Variants in RHOBTB2 observed in about 807,000 individuals in gnomAD.
RHOBTB2 encodes the protein rho-related BTB domain-containing protein 2.
In RHOBTB2, 39 loss-of-function variants were observed where a neutral mutation model predicts 66.5. The ratio of observed to expected loss-of-function variants is 0.59; its 90% CI spans 0.45 to 0.77. RHOBTB2 has a LOEUF of 0.77. RHOBTB2 is among the 30% of genes least tolerant of loss of function. The pLI is 0.00. For missense variants in RHOBTB2, 755 were observed against 999.1 expected (o/e 0.76, Z 3.29); for synonymous variants, 390 against 395.0 (o/e 0.99, Z 0.15).
upstream of RHOBTB2, among the ~76,000 whole-genome samples, chr8:22,996,097 C>T (rs1469014990): frequency 6.6e-6 from 1 of 152,192 alleles, no homozygotes; most frequent in African/African-American, 2.4e-5. Context: ...CCCAGAAAAG[C>T]CTCCTGTTCA....
At chr8:23,002,749 G>C (rs1810821905) in intron 1 of RHOBTB2, among the ~76,000 whole-genome samples, 1 of 152,104 alleles carries the variant, frequency 6.6e-6, no homozygotes. Flanking sequence ...AGAGAGAAGG[G>C]GTGGTACAGT....
the RHOBTB2 span, among the ~76,000 whole-genome samples, chr8:22,971,606 A>C: frequency 6.6e-6 from 1 of 152,100 alleles, no homozygotes; most frequent in East Asian, 1.9e-4. Flanking sequence ...TTCACTGGCA[A>C]CTCAATCTGA....
rs914802229 is a variant in RHOBTB2 at position 23,017,140 on chromosome 8, G to C, written c.1967-112G>C. 43 of 1,380,464 alleles carry C rather than the reference G, an allele frequency of 3.1e-5. No homozygotes were observed. Among genetic ancestry groups the C allele is most frequent in the Non-Finnish European group, 4.1e-5 (41 of 992,346 alleles). 85.5% of individuals were successfully genotyped at this position (1,380,464 alleles called of 1,614,324 possible). ...TGCCGTGGGTCATGGGGATGTGCTG[G>C]GGGCTGGGCTGGAGGCCTGCTGCAG... is the stretch of plus-strand genomic sequence containing the variant. On this transcript the variant is annotated intron_variant, in intron 9 of 9. Transcript: ENST00000251822. This position sits in a 1 kb window ranked among gnomAD's most constrained non-coding sequence, Gnocchi z 5.3.
chr8:23,008,953 A>G (rs1585193269), intron 6 of RHOBTB2, among the ~76,000 whole-genome samples: 2 of 152,108 alleles, frequency 1.3e-5, no homozygotes, highest in South Asian at 2.1e-4. Context: ...CTCCTTCACT[A>G]TCCCTAGGAC....
rs61759909 is a variant in RHOBTB2 at position 23,006,962 on chromosome 8, G to A, written c.717G>A (p.Pro239=). ...LQAPFLPPKP[P]PPIIVVPDPP... ...CACCCTTCCTACCCCCCAAGCCACC[G>A]CCCCCGATCATCGTGGTGCCCGACC... Residue 239 remains proline, a synonymous_variant, in exon 5 of 10, where the codon CCG becomes CCA. Coordinates refer to ENST00000251822, the MANE Select transcript of RHOBTB2 (RefSeq NM_015178.3). This position sits in a 1 kb window ranked among gnomAD's most constrained non-coding sequence, Gnocchi z 6.1. The A allele has an allele frequency of 1.6e-3, 2,629 of 1,611,000 alleles. 32 individuals carry two copies. In the African/African-American group the frequency reaches 0.025, roughly 15 times the overall value.
intron 1 of RHOBTB2, among the ~76,000 whole-genome samples, chr8:23,003,593 G>A (rs76176194): frequency 0.011 from 1,724 of 152,346 alleles, 30 homozygotes; most frequent in African/African-American, 0.04. Context: ...AGGGTGCTGG[G>A]AGGACAGCCC....
Position 23,007,629 on chromosome 8 carries a change from A to T in RHOBTB2, c.1384A>T (p.Met462Leu). 6.2e-7 allele frequency: 1 copy of T among 1,614,206 alleles called. No homozygotes were observed. The highest frequency in any genetic ancestry group is 8.5e-7 in the Non-Finnish European group (1 of 1,180,034). The change falls in exon 5 of 10, where the codon ATG becomes TTG. Residue 462 changes from methionine (M) to leucine (L), a missense_variant. Met to Leu is a conservative substitution (Grantham distance 15, BLOSUM62 2). Around this residue, in one of 7 missense-constraint regions of RHOBTB2, gnomAD observed 353 missense variants for 458.2 expected, o/e 0.77. Transcript: ENST00000251822. ...GCTGCTCGAGGTCTTTGATCTGCGC[A>T]TGATGGTGGCCAACATTCTCAACAA... ...AELLEVFDLR[M>L]MVANILNNEA...
At chr8:22,964,732 T>A in the RHOBTB2 span, among the ~76,000 whole-genome samples, 1 of 152,126 alleles carries the variant, frequency 6.6e-6, no homozygotes, top group Non-Finnish European at 1.5e-5. Flanking sequence ...TTAAGAATTA[T>A]ACATGTATTT....
chr8:23,017,129 G>T lies in RHOBTB2; in HGVS notation c.1967-123G>T. The stretch of plus-strand genomic sequence containing the variant: ...GGAGGCTCATGTGCCGTGGGTCATG[G>T]GGATGTGCTGGGGGCTGGGCTGGAG... On this transcript the variant is annotated intron_variant, in intron 9 of 9. Coordinates refer to ENST00000251822, the MANE Select transcript of RHOBTB2 (RefSeq NM_015178.3). The surrounding 1 kb of genome is among the most constrained non-coding windows in gnomAD (Gnocchi z 5.3). 7.9e-7 allele frequency: 1 copy of T among 1,270,444 alleles called. No homozygotes were observed. The allele number at this position is 1,270,444 out of a possible 1,614,324, so 78.7% of individuals were successfully genotyped here. A position where few individuals can be genotyped will look rare whatever the true frequency, so the allele number is the denominator to read the frequency against.
chr8:22,985,614 T>C (rs991406795), upstream of RHOBTB2, among the ~76,000 whole-genome samples: 5 of 152,224 alleles, frequency 3.3e-5, no homozygotes, highest in Non-Finnish European at 7.3e-5. Context: ...GGCCAGTTTA[T>C]GCAGGCGCCC....
At chr8:23,013,106 T>A (rs953836060) in intron 7 of RHOBTB2, among the ~76,000 whole-genome samples, 3 of 151,910 alleles carry the variant, frequency 2.0e-5, no homozygotes, top group African/African-American at 7.3e-5. Context: ...GCCTAATTTT[T>A]AAATTTTTTG....
chr8:22,961,930 A>T, the RHOBTB2 span, among the ~76,000 whole-genome samples: 1 of 152,190 alleles, frequency 6.6e-6, no homozygotes, highest in Non-Finnish European at 1.5e-5. Context: ...AATAAATTGC[A>T]TAATACTATG....
chr8:22,961,635 A>T, the RHOBTB2 span, among the ~76,000 whole-genome samples: 1 of 152,218 alleles, frequency 6.6e-6, no homozygotes, highest in Non-Finnish European at 1.5e-5. Context: ...CAAAGAGCTA[A>T]AAGGTGGGTG....
At chr8:22,996,553 GTGTGTGTGTGTGT>G (rs1810570421), upstream of RHOBTB2, among the ~76,000 whole-genome samples, 1 of 120,816 alleles carries the variant, frequency 8.3e-6, no homozygotes, top group South Asian at 2.4e-4. Flanking sequence ...GTGTGTGTGT[GTGTGTGTGTGTGT>G]GTCTGTGTGT....
At chr8:23,009,670 A>G (rs1038760432) in intron 6 of RHOBTB2, among the ~76,000 whole-genome samples, 2 of 152,350 alleles carry the variant, frequency 1.3e-5, no homozygotes. Flanking sequence ...GCTGGGCTGC[A>G]TCGCATCCCG....
chr8:23,007,403 G>A lies in RHOBTB2; in HGVS notation c.1158G>A (p.Leu386=). The A allele has an allele frequency of 6.2e-7, 1 of 1,614,168 alleles. No homozygotes were observed. Among genetic ancestry groups the A allele is most frequent in the Non-Finnish European group, 8.5e-7 (1 of 1,180,034 alleles). Residue 386 remains leucine (L), a synonymous_variant, in exon 5 of 10, where the codon CTG becomes CTA. Transcript: ENST00000251822. ...TGYLPGRGRV[L]SSWSRAFVSI... is the part of the protein sequence containing the mutation. ...ACCTACCGGGCAGGGGTCGTGTGCT[G>A]TCTTCCTGGAGCCGAGCTTTTGTGA... is the stretch of plus-strand genomic sequence containing the variant.
rs1316596186 is a variant in RHOBTB2, at chr8:23,019,994, C to G, written c.*2525C>G. 1 of 314,216 alleles carries G rather than the reference C, an allele frequency of 3.2e-6. No individual in the cohort carries two copies. The highest frequency in any genetic ancestry group is 6.2e-6 in the Non-Finnish European group (1 of 161,230). The allele number at this position is 314,216 out of a possible 1,614,324, so 19.5% of individuals were successfully genotyped here. A position where few individuals can be genotyped will look rare whatever the true frequency, so the allele number is the denominator to read the frequency against. ...GGGGAGTCGGATTCAGGAAACACCC[C>G]CAGGAGGCCAAGCCTGAAAACAGAG... On this transcript the variant is annotated 3_prime_UTR_variant, in exon 10 of 10. Transcript: ENST00000251822.
upstream of RHOBTB2, among the ~76,000 whole-genome samples, chr8:22,982,657 G>C (rs763033642): frequency 6.6e-6 from 1 of 152,204 alleles, no homozygotes; most frequent in Non-Finnish European, 1.5e-5. Flanking sequence ...ACTCCAGCCT[G>C]AGAGACAGAG....
upstream of RHOBTB2, among the ~76,000 whole-genome samples, chr8:22,983,296 T>C (rs1241140507): frequency 6.6e-6 from 1 of 151,328 alleles, no homozygotes; most frequent in Non-Finnish European, 1.5e-5. Context: ...GTGTGACACT[T>C]TTACCTTGAT....
Sources: gnomAD v4.1 joint callset for allele counts (sites outside exome capture counted in the v4.1 genomes callset) on GRCh38, gnomAD v4.1.1 for gene constraint, gnomAD v4.1.1 regional missense constraint, Gnocchi (gnomAD v3.1) non-coding constraint, MANE v1.5 for transcripts, NCBI Gene and HGNC (gene_info 2026-07-23, HGNC 2026-07-21) for gene names.